The following PRKCB variants were observed in gnomAD, a reference collection of about 807,000 sequenced individuals.
PRKCB encodes protein kinase C beta, also known as protein kinase C beta type.
PRKCB carries 13 observed loss-of-function variants against 81.5 expected under a neutral mutation model. That is an observed-to-expected ratio of 0.16 (90% CI 0.10 to 0.25). The LOEUF is 0.25. Ranked by LOEUF, PRKCB falls within the 10% of genes least tolerant of loss-of-function variation. The pLI, the probability that PRKCB is intolerant of heterozygous loss-of-function variation, is 1.00. For synonymous variants in PRKCB, 335 were observed against 321.4 expected, an observed-to-expected ratio of 1.04 and a Z score of -0.45; for missense variants, 509 against 875.7, an observed-to-expected ratio of 0.58 and a Z score of 5.29.
intron 2 of PRKCB, among the ~76,000 whole-genome samples, chr16:23,986,648 A>G (rs1964807704): frequency 6.6e-6 from 1 of 152,230 alleles, no homozygotes; most frequent in South Asian, 2.1e-4. Flanking sequence ...TTTGAGGAAT[A>G]TAAGACTCAG....
intron 5 of PRKCB, among the ~76,000 whole-genome samples, chr16:24,066,302 T>C (rs1966034080): frequency 6.6e-6 from 1 of 152,226 alleles, no homozygotes; most frequent in Non-Finnish European, 1.5e-5. Flanking sequence ...GTACTCTCTG[T>C]CTCTTTTAAT....
intron 7 of PRKCB, among the ~76,000 whole-genome samples, chr16:24,101,294 C>A (rs531715539): frequency 6.6e-6 from 1 of 152,238 alleles, no homozygotes; most frequent in East Asian, 1.9e-4. Flanking sequence ...TATCTGTAAT[C>A]CCCGCACTTT....
intron 2 of PRKCB, among the ~76,000 whole-genome samples, chr16:23,907,268 G>T (rs1039433368): frequency 7.2e-5 from 11 of 152,192 alleles, no homozygotes; most frequent in Non-Finnish European, 1.2e-4. Flanking sequence ...AGCCTGGGTC[G>T]AGCAGACCTC....
chr16:24,113,780 C>T (rs1966706561), intron 8 of PRKCB, among the ~76,000 whole-genome samples: 1 of 151,992 alleles, frequency 6.6e-6, no homozygotes. Flanking sequence ...CCTTCAAGAC[C>T]CCAATTAAAT....
At chr16:24,201,090 A>T (rs1221685770) in intron 16 of PRKCB, among the ~76,000 whole-genome samples, 1 of 151,838 alleles carries the variant, frequency 6.6e-6, no homozygotes, top group Non-Finnish European at 1.5e-5. Flanking sequence ...CCCAGCTTCC[A>T]TCTCTGTCTT....
chr16:23,978,016 C>A lies in PRKCB; in HGVS notation c.206-10492C>A, dbSNP rs148422262. The stretch of plus-strand genomic sequence containing the variant: ...CGTGAATCTGATCTCACCTTCACAA[C>A]CGTATGTGAAATTGGTGGTCTTATC... On this transcript the variant is annotated intron_variant, in intron 2 of 16. Coordinates refer to ENST00000643927, the MANE Select transcript of PRKCB (RefSeq NM_002738.7). Among the ~76,000 whole-genome samples the A allele has an allele frequency of 2.2e-3, 331 of 152,250 alleles. 1 individual carries two copies. The highest frequency in any genetic ancestry group is 7.7e-3 in the African/African-American group (320 of 41,534).
intron 2 of PRKCB, chr16:23,893,048 G>A (rs1322412902): frequency 1.3e-5 from 2 of 151,996 alleles, no homozygotes; most frequent in African/African-American, 4.8e-5. Context: ...TGAAATACAG[G>A]GATGGTCTGA....
At chr16:23,981,740 TTCCCC>T (rs1346028766) in intron 2 of PRKCB, among the ~76,000 whole-genome samples, 37 of 70,980 alleles carry the variant, frequency 5.2e-4, no homozygotes, top group South Asian at 1.2e-3. Flanking sequence ...TCCCCTTCCC[TTCCCC>T]TTCCCTTCCC....
intron 2 of PRKCB, among the ~76,000 whole-genome samples, chr16:23,864,410 A>G (rs761952607): frequency 2.6e-5 from 4 of 152,362 alleles, no homozygotes; most frequent in Non-Finnish European, 5.9e-5. Flanking sequence ...AGGGCAGTAT[A>G]GTGAGAACTC....
chr16:23,957,427 T>C (rs901787603), intron 2 of PRKCB, among the ~76,000 whole-genome samples: 1 of 152,188 alleles, frequency 6.6e-6, no homozygotes, highest in South Asian at 2.1e-4. Context: ...TCTTTATTTT[T>C]TGTTGTTTTG....
chr16:23,989,657 A>G (rs1964852217), intron 3 of PRKCB, among the ~76,000 whole-genome samples: 1 of 152,212 alleles, frequency 6.6e-6, no homozygotes, highest in African/African-American at 2.4e-5. Flanking sequence ...TGATTTGAGG[A>G]CAATATTAAG....
chr16:24,172,582 A>C (rs906615843), intron 11 of PRKCB, among the ~76,000 whole-genome samples: 1 of 152,126 alleles, frequency 6.6e-6, no homozygotes, highest in African/African-American at 2.4e-5. Context: ...ACCATGGCTC[A>C]TACCTGTAAT....
chr16:24,203,661 C>A (rs1967999608), intron 16 of PRKCB, among the ~76,000 whole-genome samples: 1 of 152,152 alleles, frequency 6.6e-6, no homozygotes, highest in Admixed American at 6.5e-5. Flanking sequence ...TTGAGACCAG[C>A]TCATGACCCA....
At chr16:23,900,691 G>A (rs1963456245) in intron 2 of PRKCB, among the ~76,000 whole-genome samples, 1 of 135,372 alleles carries the variant, frequency 7.4e-6, no homozygotes, top group East Asian at 2.2e-4. Flanking sequence ...ATATAGAGCA[G>A]CCTCATTCAT....
intron 2 of PRKCB, among the ~76,000 whole-genome samples, chr16:23,854,692 C>T (rs965378387): frequency 2.6e-5 from 4 of 152,102 alleles, no homozygotes; most frequent in Non-Finnish European, 4.4e-5. Flanking sequence ...CACAAGCCCA[C>T]CCCAGAAGTA....
chr16:23,929,152 G>C (rs1014046555), intron 2 of PRKCB, among the ~76,000 whole-genome samples: 1 of 152,072 alleles, frequency 6.6e-6, no homozygotes, highest in African/African-American at 2.4e-5. Context: ...AGTGTACGAT[G>C]TTTTCAGGAC....
chr16:24,037,521 G>A (rs1038672271), intron 5 of PRKCB, among the ~76,000 whole-genome samples: 4 of 152,080 alleles, frequency 2.6e-5, no homozygotes, highest in African/African-American at 4.8e-5. Context: ...CCTCACCTAG[G>A]TCTGTTTGAC....
chr16:23,916,095 C>A (rs564071998), intron 2 of PRKCB, among the ~76,000 whole-genome samples: 1 of 151,888 alleles, frequency 6.6e-6, no homozygotes, highest in Non-Finnish European at 1.5e-5. Flanking sequence ...GCTCAGTTGC[C>A]CAGGCTGGAG....
chr16:24,052,532 A>T (rs1023443439), intron 5 of PRKCB, among the ~76,000 whole-genome samples: 1 of 152,206 alleles, frequency 6.6e-6, no homozygotes, highest in Non-Finnish European at 1.5e-5. Flanking sequence ...TTATATGCTA[A>T]AAAAGGGGTG....
Sources: gnomAD v4.1 joint callset for allele counts (sites outside exome capture counted in the v4.1 genomes callset) on GRCh38, gnomAD v4.1.1 for gene constraint, MANE v1.5 for transcripts, NCBI Gene and HGNC (gene_info 2026-07-23, HGNC 2026-07-21) for gene names.